Variants in LDB2 observed in about 807,000 individuals in gnomAD.
The protein encoded by LDB2 is LIM domain-binding protein 2.
LDB2 carries 12 observed loss-of-function variants against 44.3 expected under a neutral mutation model. The observed-to-expected ratio is 0.27, with a 90% confidence interval of 0.17 to 0.44. The LOEUF (loss-of-function observed/expected upper bound fraction) is 0.44. LDB2 is among the 20% of genes least tolerant of loss of function. The pLI, the probability that LDB2 is intolerant of heterozygous loss-of-function variation, is 1.00. For missense variants in LDB2, 344 were observed against 473.5 expected, an observed-to-expected ratio of 0.73 and a Z score of 2.54; for synonymous variants, 164 against 174.8, an observed-to-expected ratio of 0.94 and a Z score of 0.49.
intron 1 of LDB2, among the ~76,000 whole-genome samples, chr4:16,839,463 C>G (rs1329326187): frequency 6.6e-6 from 1 of 152,198 alleles, no homozygotes; most frequent in Non-Finnish European, 1.5e-5. Context: ...GCTCAAACAC[C>G]TTCCATTAGG....
At position 16,848,023 on chromosome 4, in the gene LDB2, A is replaced by G. The variant is rs1787432524; in HGVS notation, c.132+50331T>C. On this transcript the variant is annotated intron_variant, in intron 1 of 7. Transcript: ENST00000304523. ...GTCTTGTGAAAAAAATAAAATAAAA[A>G]TAAGTACTGAGAAAAATAAGCCAAA... Among the ~76,000 whole-genome samples, 2 of 152,278 alleles carry G rather than the reference A, an allele frequency of 1.3e-5. 1 individual carries two copies. The highest frequency in any genetic ancestry group is 4.1e-4 in the South Asian group (2 of 4,836).
chr4:16,556,233 G>A (rs1739521960), intron 5 of LDB2, among the ~76,000 whole-genome samples: 1 of 152,104 alleles, frequency 6.6e-6, no homozygotes. Flanking sequence ...ATAAGAGCAG[G>A]AATGTATTTG....
chr4:16,550,302 T>C (rs1184605851), intron 5 of LDB2, among the ~76,000 whole-genome samples: 1 of 152,208 alleles, frequency 6.6e-6, no homozygotes, highest in Non-Finnish European at 1.5e-5. Flanking sequence ...CAATAAATCA[T>C]TGTGTTTTCT....
chr4:16,537,534 T>C (rs944867689), intron 5 of LDB2, among the ~76,000 whole-genome samples: 12 of 152,236 alleles, frequency 7.9e-5, no homozygotes, highest in African/African-American at 1.7e-4. Flanking sequence ...CAGTGGGGCA[T>C]TGGGAACTAG....
At chr4:16,716,569 T>C (rs947801969) in intron 2 of LDB2, among the ~76,000 whole-genome samples, 3 of 152,290 alleles carry the variant, frequency 2.0e-5, no homozygotes, top group Non-Finnish European at 2.9e-5. Context: ...TCAGTGGTTT[T>C]TAAATCTAGA....
intron 5 of LDB2, among the ~76,000 whole-genome samples, chr4:16,581,082 CGT>C (rs990614181): frequency 6.6e-6 from 1 of 152,222 alleles, no homozygotes; most frequent in African/African-American, 2.4e-5. Context: ...GATCAACTCC[CGT>C]GTGTTTTGAC....
chr4:16,569,536 A>C (rs2152396006), intron 5 of LDB2, among the ~76,000 whole-genome samples: 1 of 152,316 alleles, frequency 6.6e-6, no homozygotes, highest in South Asian at 2.1e-4. Context: ...CCAGACATAC[A>C]GCAGATGCTT....
chr4:16,754,698 A>G (rs780303626), intron 2 of LDB2, among the ~76,000 whole-genome samples: 4 of 151,848 alleles, frequency 2.6e-5, no homozygotes, highest in Admixed American at 6.6e-5. Flanking sequence ...CGCCCAGCCA[A>G]TTTTTGTATT....
chr4:16,578,878 T>G (rs1713020493), intron 5 of LDB2, among the ~76,000 whole-genome samples: 1 of 152,214 alleles, frequency 6.6e-6, no homozygotes, highest in South Asian at 2.1e-4. Flanking sequence ...AAGATGAGAT[T>G]CTGTCATTTA....
chr4:16,885,154 TAAAAAAAAAAAAA>T lies in LDB2; in HGVS notation c.132+13187_132+13199del, dbSNP rs57704740. Among the ~76,000 whole-genome samples the T allele has an allele frequency of 4.7e-3, 450 of 94,840 alleles. 3 individuals carry two copies. Among genetic ancestry groups the T allele is most frequent in the African/African-American group, 0.018 (435 of 23,556 alleles). The allele number at this position is 94,840 out of a possible 152,430, so 62.2% of individuals were successfully genotyped here. A position where few individuals can be genotyped will look rare whatever the true frequency, so the allele number is the denominator to read the frequency against. ...GGGCAACATAGGGAGATACCACTTC[TAAAAAAAAAAAAA>T]AAAAAAAAAACTTTTTTAATTAGTC... On this transcript the variant is annotated intron_variant, in intron 1 of 7. Transcript: ENST00000304523.
At chr4:16,562,469 T>C (rs913624018) in intron 5 of LDB2, among the ~76,000 whole-genome samples, 1 of 152,190 alleles carries the variant, frequency 6.6e-6, no homozygotes, top group Non-Finnish European at 1.5e-5. Flanking sequence ...GAAAAAATGC[T>C]CACCATCACT....
At chr4:16,740,379 A>G (rs531832882) in intron 2 of LDB2, among the ~76,000 whole-genome samples, 1 of 152,346 alleles carries the variant, frequency 6.6e-6, no homozygotes, top group African/African-American at 2.4e-5. Flanking sequence ...GGAGGTTTAT[A>G]GGTGTCTATC....
intron 2 of LDB2, among the ~76,000 whole-genome samples, chr4:16,755,233 C>G (rs1452468292): frequency 2.0e-5 from 3 of 152,244 alleles, no homozygotes; most frequent in African/African-American, 7.2e-5. Flanking sequence ...GTGCTTGAAA[C>G]TAATAGCAAG....
At chr4:16,574,184 A>C (rs762631843) in intron 5 of LDB2, among the ~76,000 whole-genome samples, 11 of 152,230 alleles carry the variant, frequency 7.2e-5, no homozygotes, top group Non-Finnish European at 8.8e-5. Context: ...AATTAAAGGC[A>C]CAGGATCAAA....
intron 2 of LDB2, among the ~76,000 whole-genome samples, chr4:16,619,228 C>T (rs1046242290): frequency 4.6e-5 from 7 of 152,084 alleles, no homozygotes; most frequent in Admixed American, 1.3e-4. Context: ...CTAGGTAACA[C>T]GCTGGCTGCC....
intron 1 of LDB2, among the ~76,000 whole-genome samples, chr4:16,897,916 A>ATACACATATG (rs1554069211): frequency 6.1e-5 from 1 of 16,526 alleles, no homozygotes; most frequent in African/African-American, 4.7e-4. Context: ...ATATATATAT[A>ATACACATATG]TATATATATA....
chr4:16,768,014 G>C (rs1769742937), intron 1 of LDB2, among the ~76,000 whole-genome samples: 1 of 152,002 alleles, frequency 6.6e-6, no homozygotes, highest in Admixed American at 6.6e-5. Context: ...CCGGTGCCAG[G>C]GCTGCCCCTC....
At chr4:16,882,560 G>T (rs1309018509) in intron 1 of LDB2, among the ~76,000 whole-genome samples, 1 of 152,142 alleles carries the variant, frequency 6.6e-6, no homozygotes, top group East Asian at 1.9e-4. Flanking sequence ...CAGAGACCAG[G>T]TAATATTATA....
At chr4:16,581,996 GGAAGGGAA>G (rs1225073550) in intron 5 of LDB2, among the ~76,000 whole-genome samples, 3 of 64,552 alleles carry the variant, frequency 4.6e-5, no homozygotes, top group East Asian at 5.1e-4. Context: ...AGGAAGGGAA[GGAAGGGAA>G]GGAAGGAAGG....
Sources: allele counts gnomAD v4.1 joint callset (sites outside exome capture counted in the v4.1 genomes callset), GRCh38; gene constraint gnomAD v4.1.1; transcripts MANE v1.5; gene names NCBI Gene and HGNC (gene_info 2026-07-23, HGNC 2026-07-21).